MAP2K1: variants seen among roughly 807,000 people sequenced by gnomAD.
MAP2K1 encodes mitogen-activated protein kinase kinase 1.
Under a neutral mutation model 46.3 loss-of-function variants are expected in MAP2K1, and 16 were observed. That is an observed-to-expected ratio of 0.35 (90% confidence interval 0.23 to 0.52). The LOEUF is 0.52. Ranked by LOEUF, MAP2K1 falls within the 20% of genes least tolerant of loss-of-function variation. The pLI is 0.94. For missense variants in MAP2K1, 263 were observed against 497.1 expected (o/e 0.53, Z 4.48); for synonymous variants, 183 against 185.6 (o/e 0.99, Z 0.11).
At chr15:66,478,326 T>TTATATATACACACATATATGTTAAA (rs1319001274) in intron 5 of MAP2K1, among the ~76,000 whole-genome samples, 5 of 145,830 alleles carry the variant, frequency 3.4e-5, no homozygotes, top group Admixed American at 6.9e-5. Flanking sequence ...TATATATATG[T>TTATATATACACACATATATGTTAAA]TATATATACA....
rs1166822915 is a variant in MAP2K1 at position 66,420,721 on chromosome 15, A to ATG, written c.81-14268_81-14267dup. 1.7e-3 allele frequency among the ~76,000 whole-genome samples: 51 copies of ATG among 29,684 alleles called. 7 individuals are homozygous for ATG. Among genetic ancestry groups the ATG allele is most frequent in the African/African-American group, 6.0e-3 (51 of 8,500 alleles). The allele number at this position is 29,684 out of a possible 152,430, so 19.5% of individuals were successfully genotyped here. A position where few individuals can be genotyped will look rare whatever the true frequency, so the allele number is the denominator to read the frequency against. The stretch of plus-strand genomic sequence containing the variant: ...TTACTCTTGGCATATATATATATAT[A>ATG]TGTGTGTGTGTGTGTGTGTGTGTGT... On this transcript the variant is annotated intron_variant, in intron 1 of 10. Coordinates refer to ENST00000307102, the MANE Select transcript of MAP2K1 (RefSeq NM_002755.4).
intron 6 of MAP2K1, 101 bp from the exon 7 acceptor site, chr15:66,484,889 C>T: frequency 9.9e-7 from 1 of 1,007,282 alleles, no homozygotes; most frequent in East Asian, 2.4e-5. Flanking sequence ...GCTCTTGAAA[C>T]AGGATATGAA....
At position 66,481,772 on chromosome 15, in the gene MAP2K1, A is replaced by G. The variant is rs2140667372; in HGVS notation, c.586A>G (p.Ile196Val). Residue 196 changes from isoleucine (I) to valine (V), a missense_variant, in exon 6 of 11, where the codon ATC becomes GTC. This residue lies in a region of MAP2K1 where 103 missense variants were observed against 221.6 expected (regional missense o/e 0.46). Transcript: ENST00000307102. The stretch of plus-strand genomic sequence containing the variant: ...CCCTGCAGATGTCAAGCCCTCCAAC[A>G]TCCTAGTCAACTCCCGTGGGGAGAT... ...IMHRDVKPSNILVNSRGEIKL... is the reference protein window; with the variant it reads ...IMHRDVKPSNVLVNSRGEIKL... The G allele has an allele frequency of 6.2e-7, 1 of 1,613,040 alleles. No homozygotes were observed. The highest frequency in any genetic ancestry group is 1.3e-5 in the African/African-American group (1 of 74,992).
In MAP2K1 at chr15:66,387,106, A is replaced by G. The variant is rs1217046086; in HGVS notation, c.-242A>G. ...CACGTTCAGCCCGCTCCGCTCCTGCAGGGCAGCCTTTCGGCTCTCTGCGCG... is the reference window on the plus strand; with the variant it reads ...CACGTTCAGCCCGCTCCGCTCCTGCGGGGCAGCCTTTCGGCTCTCTGCGCG... On this transcript the variant is annotated 5_prime_UTR_variant, in exon 1 of 11. Coordinates refer to ENST00000307102, the MANE Select transcript of MAP2K1 (RefSeq NM_002755.4). 2 of 380,946 alleles carry G rather than the reference A, an allele frequency of 5.3e-6. No individual in the cohort carries two copies. Among genetic ancestry groups the G allele is most frequent in the Non-Finnish European group, 9.2e-6 (2 of 217,300 alleles). 23.6% of individuals were successfully genotyped at this position (380,946 alleles called of 1,614,324 possible).
chr15:66,439,935 CA>C (rs36081187), intron 3 of MAP2K1, among the ~76,000 whole-genome samples: 9,812 of 115,754 alleles, frequency 0.085, 994 homozygotes, highest in African/African-American at 0.28. Context: ...AACTCCATCT[CA>C]AAAAAAAAAA....
chr15:66,469,719 C>CACACACACACACACAT (rs968491730), intron 5 of MAP2K1, among the ~76,000 whole-genome samples: 25 of 144,988 alleles, frequency 1.7e-4, no homozygotes, highest in African/African-American at 6.0e-4. Flanking sequence ...CACACACACA[C>CACACACACACACACAT]ACACATATCG....
intron 1 of MAP2K1, among the ~76,000 whole-genome samples, chr15:66,408,687 A>G (rs931852898): frequency 6.6e-6 from 1 of 152,106 alleles, no homozygotes; most frequent in Admixed American, 6.5e-5. Context: ...CGCATGGTTC[A>G]TCCAGACATC....
At chr15:66,449,132 T>C (rs573226680) in intron 5 of MAP2K1, among the ~76,000 whole-genome samples, 1 of 152,270 alleles carries the variant, frequency 6.6e-6, no homozygotes, top group East Asian at 1.9e-4. Context: ...CCTTGGCATT[T>C]ACCTAAGATA....
At chr15:66,396,993 T>C (rs796347576) in intron 1 of MAP2K1, among the ~76,000 whole-genome samples, 7 of 120,794 alleles carry the variant, frequency 5.8e-5, no homozygotes, top group African/African-American at 1.3e-4. Flanking sequence ...CCTGTAACGC[T>C]TCTTTTTTTT....
At chr15:66,473,457 G>A (rs1892686583) in intron 5 of MAP2K1, among the ~76,000 whole-genome samples, 1 of 152,028 alleles carries the variant, frequency 6.6e-6, no homozygotes, top group Admixed American at 6.6e-5. Flanking sequence ...GCTGAAGTGG[G>A]AGGATCGCTT....
intron 5 of MAP2K1, among the ~76,000 whole-genome samples, chr15:66,472,369 T>G (rs1055321599): frequency 1.3e-5 from 2 of 152,192 alleles, no homozygotes; most frequent in African/African-American, 4.8e-5. Flanking sequence ...GTTGGCTTTC[T>G]TCTCTCGGGC....
Position 66,435,072 on chromosome 15 carries a change from T to C in MAP2K1, c.126T>C (p.Leu42=), listed in dbSNP as rs748100663. The C allele has an allele frequency of 2.5e-6, 4 of 1,614,136 alleles. No homozygotes were observed. Among genetic ancestry groups the C allele is most frequent in the Non-Finnish European group, 3.4e-6 (4 of 1,180,018 alleles). Residue 42 remains leucine, a synonymous_variant, in exon 2 of 11, where the codon CTT becomes CTC. Coordinates refer to ENST00000307102, the MANE Select transcript of MAP2K1 (RefSeq NM_002755.4). ...ALQKKLEELE[L]DEQQRKRLEA... ...AGAAGAAGCTGGAGGAGCTAGAGCT[T>C]GATGAGCAGCAGCGAAAGCGCCTTG...
intron 1 of MAP2K1, among the ~76,000 whole-genome samples, chr15:66,416,996 C>T (rs1054529196): frequency 6.6e-6 from 1 of 152,174 alleles, no homozygotes; most frequent in African/African-American, 2.4e-5. Flanking sequence ...AGGGCTGCTT[C>T]TGCCCACCCC....
intron 1 of MAP2K1, among the ~76,000 whole-genome samples, chr15:66,432,659 A>G (rs1340826846): frequency 6.6e-6 from 1 of 152,158 alleles, no homozygotes; most frequent in Non-Finnish European, 1.5e-5. Context: ...GATCTTACCC[A>G]TGTTTGTCAG....
chr15:66,438,377 G>A (rs141753213), intron 3 of MAP2K1, among the ~76,000 whole-genome samples: 95 of 152,196 alleles, frequency 6.2e-4, no homozygotes, highest in African/African-American at 2.2e-3. Context: ...ATGAGCCACC[G>A]TGCCCAACCA....
intron 8 of MAP2K1, 29 bp from the exon 9 acceptor site, chr15:66,489,186 A>G: frequency 6.3e-7 from 1 of 1,598,212 alleles, no homozygotes; most frequent in Middle Eastern, 1.7e-4. Context: ...GGAGCCAGGC[A>G]TTTTTCTTAT....
chr15:66,413,823 G>A (rs2093417441), intron 1 of MAP2K1, among the ~76,000 whole-genome samples: 1 of 152,000 alleles, frequency 6.6e-6, no homozygotes, highest in Non-Finnish European at 1.5e-5. Context: ...GTCTTGAGGA[G>A]TGAAGGACTG....
At chr15:66,454,123 C>T (rs1032904604) in intron 5 of MAP2K1, among the ~76,000 whole-genome samples, 2 of 152,222 alleles carry the variant, frequency 1.3e-5, no homozygotes, top group African/African-American at 4.8e-5. Context: ...CTTCCAGTAG[C>T]AAGAGGGGGT....
chr15:66,484,232 C>A (rs540544088), intron 6 of MAP2K1, among the ~76,000 whole-genome samples: 1 of 151,902 alleles, frequency 6.6e-6, no homozygotes, highest in African/African-American at 2.4e-5. Flanking sequence ...ACTGCAACCT[C>A]TGCCTCCCGG....
Sources: allele counts gnomAD v4.1 joint callset (sites outside exome capture counted in the v4.1 genomes callset), GRCh38; gene constraint gnomAD v4.1.1; regional missense constraint gnomAD v4.1.1; transcripts MANE v1.5; gene names NCBI Gene and HGNC (gene_info 2026-07-23, HGNC 2026-07-21).